The following C11orf65 variants were observed in gnomAD, a reference collection of about 807,000 sequenced individuals.
The protein encoded by C11orf65 is protein MFI.
A neutral mutation model predicts 35.3 loss-of-function variants in C11orf65; 38 were observed. The ratio of observed to expected loss-of-function variants is 1.08; its 90% CI spans 0.83 to 1.41. C11orf65 has a LOEUF of 1.41. Among genes scored for constraint, C11orf65 ranks in the 40% most tolerant of loss-of-function variants. The pLI is 0.00. For missense variants in C11orf65, 370 were observed against 367.1 expected, an observed-to-expected ratio of 1.01 and a Z score of -0.06; for synonymous variants, 105 against 114.4, an observed-to-expected ratio of 0.92 and a Z score of 0.53.
At chr11:108,335,937 G>T in intron 2 of C11orf65, 1 of 1,612,598 alleles carries the variant, frequency 6.2e-7, no homozygotes, top group African/African-American at 1.3e-5. Flanking sequence ...CTAGGAAGAG[G>T]AAATTAACTA....
chr11:108,453,693 T>G (rs765906247), intron 2 of C11orf65, among the ~76,000 whole-genome samples: 5 of 152,230 alleles, frequency 3.3e-5, no homozygotes, highest in Non-Finnish European at 7.3e-5. Flanking sequence ...TGTCCTTTAT[T>G]CTGTTAATGT....
At chr11:108,355,390 G>C (rs919461058) in intron 2 of C11orf65, 8 of 168,654 alleles carry the variant, frequency 4.7e-5, no homozygotes, top group Non-Finnish European at 1.0e-4. Context: ...ACCTGAATAG[G>C]GTTTGGGCCT....
intron 3 of C11orf65, chr11:108,332,656 G>T: frequency 1.7e-6 from 2 of 1,204,600 alleles, no homozygotes; most frequent in South Asian, 2.6e-5. Flanking sequence ...TCATTCCATT[G>T]TCTAGATTTG....
chr11:108,346,575 T>G (rs895723073), intron 2 of C11orf65: 1 of 152,478 alleles, frequency 6.6e-6, no homozygotes, highest in Non-Finnish European at 1.5e-5. Context: ...GGCATGTATG[T>G]TTTGAAAGAG....
chr11:108,399,013 T>C (rs2092381969), intron 6 of C11orf65, among the ~76,000 whole-genome samples: 1 of 152,200 alleles, frequency 6.6e-6, no homozygotes, highest in South Asian at 2.1e-4. Context: ...GCCTTTGCTA[T>C]ACAGTCAGCT....
intron 2 of C11orf65, among the ~76,000 whole-genome samples, chr11:108,444,283 T>C (rs573529978): frequency 3.3e-5 from 5 of 152,130 alleles, no homozygotes; most frequent in African/African-American, 1.2e-4. Context: ...GATGAATCCC[T>C]GAATAGACCA....
rs780088136 is a variant in C11orf65, at chr11:108,315,988, A to G, written c.641-6917T>C. 2.5e-6 allele frequency: 4 copies of G among 1,612,360 alleles called. No individual in the cohort carries two copies. In the Admixed American group the frequency reaches 5.0e-5, roughly 20 times the overall value. On this transcript the variant is annotated intron_variant, in intron 6 of 6. Coordinates refer to the C11orf65 transcript ENST00000525729. Reference sequence around the variant, plus strand: ...TTATGTGTGTGTAAAACCCAAAGCTATTTTCACAATCTTTTCTTATAGACT... The same window carrying G: ...TTATGTGTGTGTAAAACCCAAAGCTGTTTTCACAATCTTTTCTTATAGACT...
chr11:108,330,170 A>G (rs781439798), downstream of C11orf65: 4 of 1,585,434 alleles, frequency 2.5e-6, no homozygotes, highest in African/African-American at 4.1e-5. Flanking sequence ...TAGTTCTGTT[A>G]AAGTTCATGG....
At position 108,393,387 on chromosome 11, in the gene C11orf65, G is replaced by A; in HGVS notation, c.561-9C>T. On this transcript the variant is annotated splice_polypyrimidine_tract_variant and intron_variant, in intron 6 of 8. Transcript: ENST00000393084. ...GACTTCCTGAGTAGTACCTAAATAG[G>A]CAAAAGGGAAAGAGAAGTAAATCTT... 6.2e-7 allele frequency: 1 copy of A among 1,608,992 alleles called. No homozygotes were observed. The highest frequency in any genetic ancestry group is 8.5e-7 in the Non-Finnish European group (1 of 1,176,054).
intron 2 of C11orf65, among the ~76,000 whole-genome samples, chr11:108,358,380 T>C (rs1450579241): frequency 4.1e-5 from 6 of 147,030 alleles, no homozygotes; most frequent in African/African-American, 1.5e-4. Flanking sequence ...TGCAGGATAT[T>C]ATCCAGGAGA....
chr11:108,387,862 G>T (rs1428191464), intron 7 of C11orf65, among the ~76,000 whole-genome samples: 1 of 152,168 alleles, frequency 6.6e-6, no homozygotes, highest in African/African-American at 2.4e-5. Context: ...CAGACGTTGT[G>T]TCTGAATTTG....
intron 2 of C11orf65, among the ~76,000 whole-genome samples, chr11:108,444,120 A>G (rs2093209834): frequency 6.6e-6 from 1 of 152,158 alleles, no homozygotes; most frequent in Admixed American, 6.5e-5. Context: ...AGACGCAATA[A>G]AAAATGATAA....
At chr11:108,452,872 C>T (rs2093366518) in intron 2 of C11orf65, among the ~76,000 whole-genome samples, 1 of 151,604 alleles carries the variant, frequency 6.6e-6, no homozygotes, top group African/African-American at 2.4e-5. Flanking sequence ...AAGCTGGAAA[C>T]CATCATTCTG....
chr11:108,393,575 C>G (rs1485086790), intron 6 of C11orf65, among the ~76,000 whole-genome samples, 197 bp from the exon 7 acceptor site: 1 of 152,096 alleles, frequency 6.6e-6, no homozygotes, highest in Non-Finnish European at 1.5e-5. Flanking sequence ...GCAACTTAAC[C>G]ACACTAACTT....
chr11:108,467,579 C>G (rs1418514543), upstream of C11orf65: 1 of 152,248 alleles, frequency 6.6e-6, no homozygotes, highest in Admixed American at 6.5e-5. Flanking sequence ...GCCCCGCCTT[C>G]TAGGCCCCGC....
At chr11:108,315,986 C>T (rs2084605279) in intron 6 of C11orf65, 3 of 1,611,660 alleles carry the variant, frequency 1.9e-6, no homozygotes, top group South Asian at 2.2e-5. Flanking sequence ...AAACCCAAAG[C>T]TATTTTCACA....
At chr11:108,381,321 A>ATGTATCCTCCC (rs1449744940), downstream of C11orf65, among the ~76,000 whole-genome samples, 4 of 152,188 alleles carry the variant, frequency 2.6e-5, no homozygotes, top group African/African-American at 9.6e-5. Context: ...CACTGGATGC[A>ATGTATCCTCCC]TGTATCCTCC....
At chr11:108,377,892 G>A (rs1394892993), downstream of C11orf65, among the ~76,000 whole-genome samples, 79 of 152,106 alleles carry the variant, frequency 5.2e-4, no homozygotes, top group East Asian at 0.013. Flanking sequence ...TTGCTTCAAA[G>A]AGAATAAAAT....
At chr11:108,461,408 A>G in intron 2 of C11orf65, 71 bp downstream of exon 2, 1 of 1,255,448 alleles carries the variant, frequency 8.0e-7, no homozygotes, top group South Asian at 1.3e-5. Flanking sequence ...TTAAAAAAAA[A>G]AATTGAACTG....
Sources: allele counts gnomAD v4.1 joint callset (sites outside exome capture counted in the v4.1 genomes callset), GRCh38; gene constraint gnomAD v4.1.1; transcripts MANE v1.5; gene names NCBI Gene and HGNC (gene_info 2026-07-23, HGNC 2026-07-21).